The following C5orf24 variants were observed in gnomAD, a reference collection of about 807,000 sequenced individuals.
C5orf24 encodes the protein chromosome 5 open reading frame 24.
Under a neutral mutation model 9.8 loss-of-function variants are expected in C5orf24, and 4 were observed. The observed-to-expected ratio is 0.41, with a 90% CI of 0.20 to 0.93. The LOEUF (loss-of-function observed/expected upper bound fraction) is 0.93, where lower values mean the gene tolerates loss of function less well. Ranked by LOEUF, C5orf24 falls within the 40% of genes least tolerant of loss-of-function variation. The pLI, the probability that C5orf24 is intolerant of heterozygous loss-of-function variation, is 0.33. For missense variants in C5orf24, 170 were observed against 236.9 expected, an observed-to-expected ratio of 0.72 and a Z score of 1.85; for synonymous variants, 73 against 81.3, an observed-to-expected ratio of 0.90 and a Z score of 0.55.
chr5:134,855,354 G>T lies in C5orf24; in HGVS notation c.454G>T (p.Ala152Ser). Residue 152 changes from alanine to serine, a missense_variant, in exon 2 of 2, where the codon GCC (alanine) becomes TCC (serine). Ala to Ser is a moderately conservative substitution (Grantham distance 99). Transcript: ENST00000394976. ...TAGCATTAAAGCTCTATCCCGTCTT[G>T]CCGATCTTGGTTATGGCTGTGGCAC... ...PGSIKALSRLADLGYGCGTAA... is the reference protein window; with the variant it reads ...PGSIKALSRLSDLGYGCGTAA... 1 of 1,614,180 alleles carries T rather than the reference G, an allele frequency of 6.2e-7. No homozygotes were observed. The highest frequency in any genetic ancestry group is 8.5e-7 in the Non-Finnish European group (1 of 1,180,034).
At position 134,855,834 on chromosome 5, in the gene C5orf24, T is replaced by G; in HGVS notation, c.*367T>G. 9.4e-7 allele frequency: 1 copy of G among 1,063,508 alleles called. No homozygotes were observed. The highest frequency in any genetic ancestry group is 1.1e-6 in the Non-Finnish European group (1 of 871,944). 65.9% of individuals were successfully genotyped at this position (1,063,508 alleles called of 1,614,324 possible). A position where few individuals can be genotyped will look rare whatever the true frequency, so the allele number is the denominator to read the frequency against. The stretch of plus-strand genomic sequence containing the variant: ...ATTAGTTTGTGAAGTAAGCCTACAG[T>G]ATAATAAAGACACTAACGTATTTTT... On this transcript the variant is annotated 3_prime_UTR_variant, in exon 2 of 2. Transcript: ENST00000394976.
the C5orf24 span, among the ~76,000 whole-genome samples, chr5:134,835,928 G>A: frequency 1.3e-5 from 2 of 151,812 alleles, no homozygotes; most frequent in African/African-American, 2.4e-5. Context: ...TAGACTCCTG[G>A]CCTCAGGCAA....
At chr5:134,849,705 T>C (rs2150173354) in intron 1 of C5orf24, among the ~76,000 whole-genome samples, 1 of 132,504 alleles carries the variant, frequency 7.5e-6, no homozygotes, top group Non-Finnish European at 1.6e-5. Context: ...TTGCCCAGCC[T>C]GGAGTGCAGA....
chr5:134,851,217 C>T (rs549866896), intron 1 of C5orf24, among the ~76,000 whole-genome samples: 23 of 152,170 alleles, frequency 1.5e-4, no homozygotes, highest in African/African-American at 5.3e-4. Flanking sequence ...CGTGAGCCAT[C>T]GTGGCCATCC....
the C5orf24 span, among the ~76,000 whole-genome samples, chr5:134,835,669 T>C: frequency 6.6e-6 from 1 of 152,072 alleles, no homozygotes; most frequent in African/African-American, 2.4e-5. Flanking sequence ...GAAGAAAATT[T>C]TGAAGCTTCT....
the C5orf24 span, among the ~76,000 whole-genome samples, chr5:134,839,610 C>A: frequency 2.6e-5 from 4 of 151,994 alleles, no homozygotes; most frequent in African/African-American, 9.7e-5. Context: ...ATTATTCATA[C>A]CCTGCAGCTG....
Position 134,856,371 on chromosome 5 carries a change from G to A in C5orf24, c.*904G>A, listed in dbSNP as rs559092604. ...TTATGTTTAAAAACATTTATTGGCTGGGTGTGGTGGCTCACACCCAGCACT... is the reference window on the plus strand; with the variant it reads ...TTATGTTTAAAAACATTTATTGGCTAGGTGTGGTGGCTCACACCCAGCACT... On this transcript the variant is annotated 3_prime_UTR_variant, in exon 2 of 2. Transcript: ENST00000394976. 7.1e-5 allele frequency: 69 copies of A among 974,882 alleles called. No individual in the cohort carries two copies. In the African/African-American group the frequency reaches 1.0e-3, roughly 14 times the overall value. 60.4% of individuals were successfully genotyped at this position (974,882 alleles called of 1,614,324 possible). A position where few individuals can be genotyped will look rare whatever the true frequency, so the allele number is the denominator to read the frequency against.
the C5orf24 span, among the ~76,000 whole-genome samples, chr5:134,838,923 A>G: frequency 1.3e-5 from 2 of 151,972 alleles, no homozygotes; most frequent in African/African-American, 2.4e-5. Context: ...ATTAAGACCA[A>G]TCTGGCCAGG....
the C5orf24 span, among the ~76,000 whole-genome samples, chr5:134,839,442 T>G: frequency 6.6e-6 from 1 of 152,146 alleles, no homozygotes; most frequent in Non-Finnish European, 1.5e-5. Context: ...ACCTGGCATT[T>G]AAATCCGTAT....
At chr5:134,837,333 T>C in the C5orf24 span, among the ~76,000 whole-genome samples, 306 of 152,322 alleles carry the variant, frequency 2.0e-3, 1 homozygote, top group African/African-American at 6.9e-3. Context: ...AGGATTGTTA[T>C]GAGGATGAGG....
chr5:134,857,174 T>C lies in C5orf24; in HGVS notation c.*1707T>C, dbSNP rs1053395941. The stretch of plus-strand genomic sequence containing the variant: ...GACTTGAAAAAATTCCACTTAACTT[T>C]AAAGTTACAATGTTTGTATTTGGGA... On this transcript the variant is annotated 3_prime_UTR_variant, in exon 2 of 2. Transcript: ENST00000394976. 26 of 1,329,442 alleles carry C rather than the reference T, an allele frequency of 2.0e-5. No homozygotes were observed. The highest frequency in any genetic ancestry group is 2.4e-5 in the Non-Finnish European group (25 of 1,030,810). 82.4% of individuals were successfully genotyped at this position (1,329,442 alleles called of 1,614,324 possible). A position where few individuals can be genotyped will look rare whatever the true frequency, so the allele number is the denominator to read the frequency against.
At chr5:134,837,472 T>C in the C5orf24 span, among the ~76,000 whole-genome samples, 4 of 152,164 alleles carry the variant, frequency 2.6e-5, no homozygotes, top group African/African-American at 7.2e-5. Flanking sequence ...GATTTTCTTA[T>C]GCTCTCTGCT....
chr5:134,850,099 G>A (rs1193631723), intron 1 of C5orf24, among the ~76,000 whole-genome samples: 2 of 152,088 alleles, frequency 1.3e-5, no homozygotes, highest in Non-Finnish European at 2.9e-5. Flanking sequence ...CAAACTAAAG[G>A]CATAAATTCT....
Position 134,857,462 on chromosome 5 carries a change from ATG to A in C5orf24, c.*1998_*1999del. On this transcript the variant is annotated 3_prime_UTR_variant, in exon 2 of 2. Transcript: ENST00000394976. ...AGGTGTTGCATTGTATGTGGGGACT[ATG>A]TGCACTGGCGTCTAAGACAGTGACC... The A allele has an allele frequency of 6.7e-7, 1 of 1,503,538 alleles. No homozygotes were observed. Among genetic ancestry groups the A allele is most frequent in the Non-Finnish European group, 8.9e-7 (1 of 1,119,242 alleles). 93.1% of individuals were successfully genotyped at this position (1,503,538 alleles called of 1,614,324 possible).
rs2150176824 is a variant in C5orf24 at position 134,855,704 on chromosome 5, T to C, written c.*237T>C. 7.2e-7 allele frequency: 1 copy of C among 1,390,552 alleles called. No individual in the cohort carries two copies. The highest frequency in any genetic ancestry group is 9.3e-7 in the Non-Finnish European group (1 of 1,070,748). The allele number at this position is 1,390,552 out of a possible 1,614,324, so 86.1% of individuals were successfully genotyped here. On this transcript the variant is annotated 3_prime_UTR_variant, in exon 2 of 2. Transcript: ENST00000394976. ...AAGTGTAACACCTAACTAAATCATT[T>C]TTCCTTTTCCTTTAGAGTTATGGTC... is the stretch of plus-strand genomic sequence containing the variant.
upstream of C5orf24, among the ~76,000 whole-genome samples, chr5:134,844,307 T>C (rs529859827): frequency 1.3e-3 from 197 of 152,316 alleles, 1 homozygote; most frequent in Admixed American, 2.5e-3. Flanking sequence ...CTTTTACATA[T>C]AAATAACACT....
chr5:134,851,357 G>A (rs1393653934), intron 1 of C5orf24, among the ~76,000 whole-genome samples: 2 of 152,214 alleles, frequency 1.3e-5, no homozygotes, highest in African/African-American at 2.4e-5. Context: ...AAAAACTTAA[G>A]TGAGAATATT....
chr5:134,851,218 G>A (rs1177906087), intron 1 of C5orf24, among the ~76,000 whole-genome samples: 4 of 152,050 alleles, frequency 2.6e-5, no homozygotes, highest in South Asian at 2.1e-4. Context: ...GTGAGCCATC[G>A]TGGCCATCCT....
Position 134,856,382 on chromosome 5 carries a change from C to G in C5orf24, c.*915C>G. ...AACATTTATTGGCTGGGTGTGGTGGCTCACACCCAGCACTTTGGGAGGCCG... is the reference window on the plus strand; with the variant it reads ...AACATTTATTGGCTGGGTGTGGTGGGTCACACCCAGCACTTTGGGAGGCCG... On this transcript the variant is annotated 3_prime_UTR_variant, in exon 2 of 2. Transcript: ENST00000394976. 1.1e-6 allele frequency: 1 copy of G among 920,300 alleles called. No homozygotes were observed. Among genetic ancestry groups the G allele is most frequent in the Middle Eastern group, 5.7e-4 (1 of 1,760 alleles). The allele number at this position is 920,300 out of a possible 1,614,324, so 57.0% of individuals were successfully genotyped here. A position where few individuals can be genotyped will look rare whatever the true frequency, so the allele number is the denominator to read the frequency against.
Sources: allele counts gnomAD v4.1 joint callset (sites outside exome capture counted in the v4.1 genomes callset), GRCh38; gene constraint gnomAD v4.1.1; transcripts MANE v1.5; gene names NCBI Gene and HGNC (gene_info 2026-07-23, HGNC 2026-07-21).